The following AGBL1 variants were observed in gnomAD, a reference collection of about 807,000 sequenced individuals.
AGBL1 encodes the protein cytosolic carboxypeptidase 4.
In AGBL1, 130 loss-of-function variants were observed where a neutral mutation model predicts 118.9. The ratio of observed to expected loss-of-function variants is 1.09; its 90% CI spans 0.95 to 1.26. AGBL1 has a LOEUF of 1.26. Ranked by LOEUF, AGBL1 falls within the 50% of genes most tolerant of loss-of-function variation. The pLI is 0.00. For missense variants in AGBL1, 1,584 were observed against 1,298.1 expected (o/e 1.22, Z -3.38); for synonymous variants, 555 against 478.9 (o/e 1.16, Z -2.08).
At position 86,396,241 on chromosome 15, in the gene AGBL1, GTGTATA is replaced by G. The variant is rs1241325696; in HGVS notation, c.2375-1123_2375-1118del. Among the ~76,000 whole-genome samples the G allele has an allele frequency of 3.9e-3, 523 of 133,070 alleles. 3 individuals carry two copies. The highest frequency in any genetic ancestry group is 0.012 in the African/African-American group (431 of 35,338). The allele number at this position is 133,070 out of a possible 152,430, so 87.3% of individuals were successfully genotyped here. ...TGTATATATATGTGTGTGTGTGTGTGTGTATATATATATATATATATACACACACAC... is the reference window on the plus strand; with the variant it reads ...TGTATATATATGTGTGTGTGTGTGTGTATATATATATATATACACACACAC... On this transcript the variant is annotated intron_variant, in intron 17 of 22. Coordinates refer to ENST00000614907, the MANE Select transcript of AGBL1 (RefSeq NM_001386094.1).
intron 22 of AGBL1, among the ~76,000 whole-genome samples, chr15:86,901,764 A>C (rs1419292391): frequency 3.9e-5 from 6 of 152,078 alleles, no homozygotes; most frequent in Admixed American, 1.3e-4. Context: ...GTGTCACTTT[A>C]TGACCCACAC....
At chr15:86,574,837 C>A (rs564682740) in intron 21 of AGBL1, among the ~76,000 whole-genome samples, 1 of 151,940 alleles carries the variant, frequency 6.6e-6, no homozygotes, top group East Asian at 2.0e-4. Flanking sequence ...CTTGGCCTCC[C>A]AAAGTGCTGG....
rs116094318 is a variant in AGBL1, at chr15:86,094,566, C to G, written c.51+14543C>G. On this transcript the variant is annotated intron_variant, in intron 1 of 22. Coordinates refer to ENST00000614907, the MANE Select transcript of AGBL1 (RefSeq NM_001386094.1). ...ATTGGGCAGAGGGGAGATTGATCTG[C>G]AATGTAGTCACAACAGAGGCTCCAG... is the stretch of plus-strand genomic sequence containing the variant. Among the ~76,000 whole-genome samples, 1,085 of 152,152 alleles carry G rather than the reference C, an allele frequency of 7.1e-3. 16 individuals carry two copies. Among genetic ancestry groups the G allele is most frequent in the African/African-American group, 0.025 (1,047 of 41,500 alleles).
intron 21 of AGBL1, among the ~76,000 whole-genome samples, chr15:86,635,086 G>T (rs917803559): frequency 1.3e-5 from 2 of 152,106 alleles, no homozygotes; most frequent in African/African-American, 2.4e-5. Context: ...TATCAGATTT[G>T]TAATGATATA....
intron 22 of AGBL1, among the ~76,000 whole-genome samples, chr15:86,832,196 G>T (rs1310205132): frequency 6.6e-6 from 1 of 152,216 alleles, no homozygotes; most frequent in African/African-American, 2.4e-5. Context: ...GGAAAGGGCT[G>T]CTGTAAAGAC....
intron 1 of AGBL1, among the ~76,000 whole-genome samples, chr15:86,097,476 C>T (rs76960902): frequency 0.012 from 1,782 of 151,956 alleles, 13 homozygotes; most frequent in East Asian, 0.024. Context: ...CATTGACTGC[C>T]ACACACCCTT....
downstream of AGBL1, among the ~76,000 whole-genome samples, chr15:87,030,166 T>G (rs1209160519): frequency 6.6e-6 from 1 of 151,996 alleles, no homozygotes; most frequent in Non-Finnish European, 1.5e-5. Context: ...CCACTATTAC[T>G]TTATGTGTCT....
At chr15:86,249,223 C>T (rs1252003007) in intron 7 of AGBL1, among the ~76,000 whole-genome samples, 1 of 152,092 alleles carries the variant, frequency 6.6e-6, no homozygotes, top group Non-Finnish European at 1.5e-5. Flanking sequence ...ACATTATGTT[C>T]CTATTATCTC....
At chr15:86,830,519 G>C (rs1450575824) in intron 22 of AGBL1, among the ~76,000 whole-genome samples, 1 of 152,098 alleles carries the variant, frequency 6.6e-6, no homozygotes, top group Non-Finnish European at 1.5e-5. Context: ...TCCCTGTGTT[G>C]GTGCAATCAG....
intron 18 of AGBL1, among the ~76,000 whole-genome samples, chr15:86,518,953 A>G (rs1192064955): frequency 2.6e-5 from 4 of 151,756 alleles, no homozygotes; most frequent in Non-Finnish European, 5.9e-5. Flanking sequence ...TATAAACTTT[A>G]TCTTAAACTA....
At chr15:86,768,337 C>G (rs1310947352) in intron 22 of AGBL1, among the ~76,000 whole-genome samples, 1 of 151,944 alleles carries the variant, frequency 6.6e-6, no homozygotes, top group Non-Finnish European at 1.5e-5. Context: ...CATAGCATAA[C>G]ATACTCATAA....
At position 86,733,688 on chromosome 15, in the gene AGBL1, G is replaced by A. The variant is rs149363026; in HGVS notation, c.3158+59252G>A. Among the ~76,000 whole-genome samples, 384 of 152,186 alleles carry A rather than the reference G, an allele frequency of 2.5e-3. 2 individuals carry two copies. Among genetic ancestry groups the A allele is most frequent in the Admixed American group, 5.7e-3 (87 of 15,290 alleles). Reference sequence around the variant, plus strand: ...GGTACTAATCATTCTATATGTGCTCGTAACAATCTTATGAGGAGCTATCAT... The same window carrying A: ...GGTACTAATCATTCTATATGTGCTCATAACAATCTTATGAGGAGCTATCAT... On this transcript the variant is annotated intron_variant, in intron 22 of 22. Transcript: ENST00000614907.
chr15:86,429,727 C>T lies in AGBL1; in HGVS notation c.2555+32181C>T, dbSNP rs575763779. On this transcript the variant is annotated intron_variant, in intron 18 of 22. Transcript: ENST00000614907. ...TCATTTTATTTCAGGCAAATGAATT[C>T]CTTGCAGGACATATTGTATGTGAAA... Among the ~76,000 whole-genome samples the T allele has an allele frequency of 6.2e-4, 95 of 152,308 alleles. 1 individual carries two copies. The South Asian group carries it at 0.019, about 31-fold the overall frequency.
chr15:86,795,931 C>T (rs539272638), intron 22 of AGBL1, among the ~76,000 whole-genome samples: 64 of 151,728 alleles, frequency 4.2e-4, no homozygotes, highest in African/African-American at 1.5e-3. Flanking sequence ...AATAAGAAAG[C>T]ACCAGATTGC....
intron 1 of AGBL1, among the ~76,000 whole-genome samples, chr15:86,125,029 A>G (rs908473218): frequency 6.6e-6 from 1 of 152,198 alleles, no homozygotes; most frequent in Non-Finnish European, 1.5e-5. Flanking sequence ...TCTCTGATTC[A>G]TGAGGGGCTC....
chr15:86,650,252 A>T (rs1003013121), intron 21 of AGBL1, among the ~76,000 whole-genome samples: 15 of 152,178 alleles, frequency 9.9e-5, no homozygotes, highest in African/African-American at 2.2e-4. Context: ...TAAGTTTGCC[A>T]GCTTCCTTAT....
chr15:86,725,417 A>G (rs983155552), intron 22 of AGBL1, among the ~76,000 whole-genome samples: 1 of 150,360 alleles, frequency 6.7e-6, no homozygotes, highest in Non-Finnish European at 1.5e-5. Flanking sequence ...AAAGGTAAGT[A>G]ATTAATTCCT....
At chr15:86,683,266 C>T (rs903127936) in intron 22 of AGBL1, among the ~76,000 whole-genome samples, 1 of 152,074 alleles carries the variant, frequency 6.6e-6, no homozygotes. Flanking sequence ...AAAACTCAAA[C>T]GACTTGGGTT....
intron 1 of AGBL1, among the ~76,000 whole-genome samples, chr15:86,110,195 G>C (rs1252751241): frequency 6.6e-6 from 1 of 152,160 alleles, no homozygotes; most frequent in East Asian, 1.9e-4. Flanking sequence ...AATTACAGTT[G>C]ACCCTTAAAC....
Sources: gnomAD v4.1 joint callset for allele counts (sites outside exome capture counted in the v4.1 genomes callset) on GRCh38, gnomAD v4.1.1 for gene constraint, MANE v1.5 for transcripts, NCBI Gene and HGNC (gene_info 2026-07-23, HGNC 2026-07-21) for gene names.